Variants in TSHZ3 observed in about 807,000 individuals in gnomAD.
TSHZ3 encodes the protein teashirt homolog 3.
In TSHZ3, 10 loss-of-function variants were observed where a neutral mutation model predicts 64.5. The ratio of observed to expected loss-of-function variants is 0.16; its 90% CI spans 0.10 to 0.26. TSHZ3 has a LOEUF of 0.26. TSHZ3 is among the 10% of genes least tolerant of loss of function. The probability of loss-of-function intolerance (pLI) is 1.00; values close to 1 mark genes in which losing one functional copy is unlikely to be tolerated. For missense variants in TSHZ3, 1,242 were observed against 1,421.7 expected, an observed-to-expected ratio of 0.87 and a Z score of 2.03; for synonymous variants, 608 against 593.1, an observed-to-expected ratio of 1.03 and a Z score of -0.36.
chr19:31,219,807 G>GTA (rs951093705), intron 4 of TSHZ3, among the ~76,000 whole-genome samples: 2 of 148,678 alleles, frequency 1.3e-5, no homozygotes, highest in African/African-American at 4.9e-5. Flanking sequence ...ATATATATAT[G>GTA]TATATATATA....
chr19:31,177,610 G>A (rs1446423711), intron 5 of TSHZ3, among the ~76,000 whole-genome samples: 1 of 152,242 alleles, frequency 6.6e-6, no homozygotes, highest in African/African-American at 2.4e-5. Context: ...ATTCCACGAT[G>A]AGCTCCTGCT....
upstream of TSHZ3, among the ~76,000 whole-genome samples, chr19:31,350,532 C>G (rs1413481396): frequency 6.6e-6 from 1 of 151,488 alleles, no homozygotes; most frequent in Non-Finnish European, 1.5e-5. Context: ...CCAGGGGCTC[C>G]CCCCGAGAGC....
At chr19:31,261,538 T>C (rs1465980427) in intron 1 of TSHZ3, among the ~76,000 whole-genome samples, 1 of 152,246 alleles carries the variant, frequency 6.6e-6, no homozygotes, top group Non-Finnish European at 1.5e-5. Context: ...TGTCACTCAG[T>C]GATATTATTT....
At chr19:31,285,739 G>A (rs981003447) in intron 1 of TSHZ3, among the ~76,000 whole-genome samples, 8 of 119,812 alleles carry the variant, frequency 6.7e-5, no homozygotes, top group African/African-American at 9.7e-5. Flanking sequence ...AGCTGTGATC[G>A]TCACTGCACT....
chr19:31,256,403 AG>A (rs1975912048), intron 1 of TSHZ3, among the ~76,000 whole-genome samples: 1 of 152,152 alleles, frequency 6.6e-6, no homozygotes, highest in Admixed American at 6.5e-5. Context: ...TTCAGGTCTC[AG>A]GTGCTCCCAG....
intron 4 of TSHZ3, among the ~76,000 whole-genome samples, chr19:31,209,502 G>C (rs1003928202): frequency 6.6e-6 from 1 of 152,156 alleles, no homozygotes; most frequent in South Asian, 2.1e-4. Flanking sequence ...GGGGATACTA[G>C]GAGCAGTTTG....
chr19:31,160,683 G>A (rs1974363981), intron 5 of TSHZ3, among the ~76,000 whole-genome samples: 7 of 151,424 alleles, frequency 4.6e-5, no homozygotes, highest in Admixed American at 4.6e-4. Context: ...CATACACACA[G>A]ACACACATGC....
intron 1 of TSHZ3, among the ~76,000 whole-genome samples, chr19:31,325,538 C>T (rs1035600323): frequency 2.2e-4 from 33 of 152,160 alleles, no homozygotes; most frequent in African/African-American, 8.0e-4. Flanking sequence ...TAAGCGCTGA[C>T]GGCCAGAGAC....
intron 1 of TSHZ3, among the ~76,000 whole-genome samples, chr19:31,291,247 A>T (rs1976560182): frequency 6.6e-6 from 1 of 152,216 alleles, no homozygotes; most frequent in African/African-American, 2.4e-5. Context: ...GTGATGGGAA[A>T]CAAGAGTCCA....
intron 4 of TSHZ3, among the ~76,000 whole-genome samples, chr19:31,206,111 G>A (rs1348519473): frequency 6.8e-6 from 1 of 147,306 alleles, no homozygotes; most frequent in Non-Finnish European, 1.5e-5. Context: ...ATGGATGGAT[G>A]GATGGATGGA....
At chr19:31,322,993 G>A (rs1459669688) in intron 1 of TSHZ3, among the ~76,000 whole-genome samples, 1 of 152,200 alleles carries the variant, frequency 6.6e-6, no homozygotes, top group Non-Finnish European at 1.5e-5. Context: ...TTACATTTTG[G>A]AGTGCTTATT....
chr19:31,332,967 T>C (rs1424859101), intron 1 of TSHZ3, among the ~76,000 whole-genome samples: 2 of 151,630 alleles, frequency 1.3e-5, no homozygotes, highest in Non-Finnish European at 2.9e-5. Context: ...TACTCAGGCA[T>C]GATGGTGTGT....
At chr19:31,327,406 T>C (rs1339878988) in intron 1 of TSHZ3, among the ~76,000 whole-genome samples, 2 of 152,242 alleles carry the variant, frequency 1.3e-5, no homozygotes, top group Non-Finnish European at 2.9e-5. Flanking sequence ...TATGTCAACA[T>C]GTCAGAATAA....
At chr19:31,295,352 C>T (rs1036784026) in intron 1 of TSHZ3, among the ~76,000 whole-genome samples, 3 of 152,190 alleles carry the variant, frequency 2.0e-5, no homozygotes, top group Admixed American at 6.5e-5. Context: ...AAGACCTGTA[C>T]GCTGATATCC....
chr19:31,301,929 C>T (rs896570527), intron 1 of TSHZ3, among the ~76,000 whole-genome samples: 10 of 152,048 alleles, frequency 6.6e-5, no homozygotes, highest in African/African-American at 1.9e-4. Context: ...AGTGGAAAAC[C>T]GGCATTTGAA....
rs566083735 is a variant in TSHZ3 at position 31,237,592 on chromosome 19, T to G, written n.550+4677A>C. ...TTGTTAATTTTCCCCATGTGAATGT[T>G]TACCATTCATTGATGTTTGTTCTTA... On this transcript the variant is annotated intron_variant and non_coding_transcript_variant, in intron 3 of 6. Transcript: ENST00000651361. 1.9e-4 allele frequency among the ~76,000 whole-genome samples: 29 copies of G among 152,314 alleles called. 1 individual carries two copies. In the South Asian group the frequency reaches 5.8e-3, roughly 30 times the overall value.
rs1032973378 is a variant in TSHZ3, at chr19:31,297,627, G to C, written c.41-17875C>G. Among the ~76,000 whole-genome samples the C allele has an allele frequency of 3.9e-5, 6 of 152,070 alleles. No individual in the cohort carries two copies. The South Asian group carries it at 6.2e-4, about 16-fold the overall frequency. On this transcript the variant is annotated intron_variant, in intron 1 of 1. Coordinates refer to ENST00000240587, the MANE Select transcript of TSHZ3 (RefSeq NM_020856.4). Reference sequence around the variant, plus strand: ...CTACAGGTGCACACCACCACGCCTAGCTGATTTTTAATATTTTTTTTGTAG... The same window carrying C: ...CTACAGGTGCACACCACCACGCCTACCTGATTTTTAATATTTTTTTTGTAG...
chr19:31,150,121 G>A (rs1240246624), exon 7 of TSHZ3, among the ~76,000 whole-genome samples: 1 of 151,894 alleles, frequency 6.6e-6, no homozygotes, highest in Non-Finnish European at 1.5e-5. Context: ...GAAAACTTTT[G>A]CATGCAAAAT....
intron 5 of TSHZ3, among the ~76,000 whole-genome samples, chr19:31,176,793 A>T (rs1387919316): frequency 6.6e-6 from 1 of 152,112 alleles, no homozygotes; most frequent in Non-Finnish European, 1.5e-5. Context: ...CTCTTAAAAA[A>T]AGGAAATACT....
Sources: gnomAD v4.1 joint callset for allele counts (sites outside exome capture counted in the v4.1 genomes callset) on GRCh38, gnomAD v4.1.1 for gene constraint, MANE v1.5 for transcripts, NCBI Gene and HGNC (gene_info 2026-07-23, HGNC 2026-07-21) for gene names.